Variants in PLGRKT observed in about 807,000 individuals in gnomAD.
PLGRKT encodes plasminogen receptor (KT).
Under a neutral mutation model 18.5 loss-of-function variants are expected in PLGRKT, and 22 were observed. The observed-to-expected ratio is 1.19, with a 90% confidence interval of 0.85 to 1.70. The LOEUF is 1.70. Ranked by LOEUF, PLGRKT falls within the 40% of genes most tolerant of loss-of-function variation. The pLI, the probability that PLGRKT is intolerant of heterozygous loss-of-function variation, is 0.00. For synonymous variants in PLGRKT, 72 were observed against 52.8 expected (o/e 1.36, Z -1.58); for missense variants, 235 against 174.4 (o/e 1.35, Z -1.96).
intron 3 of PLGRKT, among the ~76,000 whole-genome samples, chr9:5,377,846 G>A (rs10815199): frequency 0.19 from 28,227 of 152,056 alleles, 2,738 homozygotes; most frequent in South Asian, 0.26. Context: ...TAGGGGATGG[G>A]GTCTGAAAGA....
At chr9:5,412,539 T>C (rs1268130599) in intron 3 of PLGRKT, among the ~76,000 whole-genome samples, 2 of 152,200 alleles carry the variant, frequency 1.3e-5, no homozygotes, top group Non-Finnish European at 2.9e-5. Context: ...TATCATATGA[T>C]GCTTCCCGCC....
In PLGRKT at chr9:5,394,858, A is replaced by G. The variant is rs543473693; in HGVS notation, c.82-32970T>C. Among the ~76,000 whole-genome samples, 8 of 152,026 alleles carry G rather than the reference A, an allele frequency of 5.3e-5. No individual in the cohort carries two copies. The South Asian group carries it at 1.5e-3, about 28-fold the overall frequency. ...CTCTTCTTGCTGCTGGAGATAGACT[A>G]CAGTGAACTATTTCCAAACAGCCAG... On this transcript the variant is annotated intron_variant, in intron 3 of 5. Coordinates refer to ENST00000223864, the MANE Select transcript of PLGRKT (RefSeq NM_018465.4).
chr9:5,417,930 G>C (rs749062908), intron 3 of PLGRKT, among the ~76,000 whole-genome samples: 1 of 152,202 alleles, frequency 6.6e-6, no homozygotes, highest in Non-Finnish European at 1.5e-5. Context: ...AGCACTGCAT[G>C]TCTTAACTGA....
intron 3 of PLGRKT, among the ~76,000 whole-genome samples, chr9:5,408,402 G>A (rs775735674): frequency 2.6e-5 from 4 of 152,196 alleles, no homozygotes; most frequent in Non-Finnish European, 5.9e-5. Flanking sequence ...CCCCTGCCAA[G>A]GGATATGCGC....
rs527929199 is a variant in PLGRKT, at chr9:5,397,191, G to C, written c.81+34706C>G. ...GATTGTAGGCTACTCGTGCCTACTA[G>C]TGGCAACCCATTAGGAAATGAGCTC... On this transcript the variant is annotated intron_variant, in intron 3 of 5. Transcript: ENST00000223864. Among the ~76,000 whole-genome samples the C allele has an allele frequency of 3.9e-4, 59 of 152,022 alleles. 2 individuals carry two copies. The highest frequency in any genetic ancestry group is 1.4e-3 in the African/African-American group (56 of 41,296).
intron 3 of PLGRKT, among the ~76,000 whole-genome samples, chr9:5,405,504 T>A (rs1329205905): frequency 6.6e-6 from 1 of 152,186 alleles, no homozygotes; most frequent in African/African-American, 2.4e-5. Context: ...AAACAAGCAA[T>A]GGGGAAAGGA....
intron 3 of PLGRKT, among the ~76,000 whole-genome samples, chr9:5,402,622 C>T (rs1054628691): frequency 2.0e-5 from 3 of 151,792 alleles, no homozygotes; most frequent in East Asian, 3.9e-4. Flanking sequence ...AGGGCAGTGA[C>T]GGACGAGGAA....
At chr9:5,395,659 G>C (rs1818030466) in intron 3 of PLGRKT, among the ~76,000 whole-genome samples, 2 of 151,780 alleles carry the variant, frequency 1.3e-5, no homozygotes, top group African/African-American at 2.4e-5. Flanking sequence ...ACTTGATCTG[G>C]CATTTTCTTT....
chr9:5,405,092 A>T (rs1818230251), intron 3 of PLGRKT, among the ~76,000 whole-genome samples: 1 of 152,200 alleles, frequency 6.6e-6, no homozygotes, highest in South Asian at 2.1e-4. Context: ...GACCTCTTCA[A>T]TGAGAACTAC....
chr9:5,431,921 G>A lies in PLGRKT; in HGVS notation c.57C>T (p.Phe19=). Reference sequence around the variant, plus strand: ...CCTGAAGTCGAGCATTCATAAGCATGAACTCCTTTTGATTTTTCATGCTTT... The same window carrying A: ...CCTGAAGTCGAGCATTCATAAGCATAAACTCCTTTTGATTTTTCATGCTTT... The part of the protein sequence containing the change: ...MNESMKNQKE[F]MLMNARLQLE... Residue 19 remains phenylalanine, a synonymous_variant, in exon 3 of 6, where the codon TTC becomes TTT. Coordinates refer to ENST00000223864, the MANE Select transcript of PLGRKT (RefSeq NM_018465.4). The A allele has an allele frequency of 6.5e-7, 1 of 1,535,982 alleles. No homozygotes were observed. The highest frequency in any genetic ancestry group is 1.1e-5 in the South Asian group (1 of 89,112).
chr9:5,427,961 G>C (rs1453551480), intron 3 of PLGRKT, among the ~76,000 whole-genome samples: 1 of 152,140 alleles, frequency 6.6e-6, no homozygotes. Context: ...AAAAGGTAGG[G>C]TTGAAACAAG....
chr9:5,397,199 C>T (rs1384008083), intron 3 of PLGRKT, among the ~76,000 whole-genome samples: 1 of 151,848 alleles, frequency 6.6e-6, no homozygotes, highest in Non-Finnish European at 1.5e-5. Flanking sequence ...TAGTGGCAAC[C>T]CATTAGGAAA....
intron 3 of PLGRKT, among the ~76,000 whole-genome samples, chr9:5,425,106 C>A (rs1382876231): frequency 6.6e-6 from 1 of 152,150 alleles, no homozygotes; most frequent in African/African-American, 2.4e-5. Context: ...TTTACATTGA[C>A]CAAAAGTGCT....
chr9:5,376,323 C>T (rs1196432208), intron 3 of PLGRKT, among the ~76,000 whole-genome samples: 3 of 152,276 alleles, frequency 2.0e-5, no homozygotes, highest in Non-Finnish European at 4.4e-5. Flanking sequence ...GAAGGGGCCA[C>T]GTCTGGGCCT....
At chr9:5,419,450 G>A (rs897099220) in intron 3 of PLGRKT, among the ~76,000 whole-genome samples, 5 of 152,224 alleles carry the variant, frequency 3.3e-5, no homozygotes, top group African/African-American at 1.2e-4. Flanking sequence ...CAGAGGCCAC[G>A]GACGCTACAG....
chr9:5,425,353 T>C (rs182491181), intron 3 of PLGRKT, among the ~76,000 whole-genome samples: 3 of 152,322 alleles, frequency 2.0e-5, no homozygotes, highest in Non-Finnish European at 4.4e-5. Context: ...AATATCATTA[T>C]AACTAGTAGC....
At chr9:5,381,826 T>TA (rs1402928953) in intron 3 of PLGRKT, 1 of 954,818 alleles carries the variant, frequency 1.0e-6, no homozygotes, top group Non-Finnish European at 1.2e-6. Flanking sequence ...AAAAAATACA[T>TA]AAAGCAAAAA....
intron 3 of PLGRKT, among the ~76,000 whole-genome samples, chr9:5,373,059 T>C (rs1817553065): frequency 6.6e-6 from 1 of 152,200 alleles, no homozygotes; most frequent in Non-Finnish European, 1.5e-5. Flanking sequence ...GGACAGTGTA[T>C]CTGATTGCCA....
intron 3 of PLGRKT, among the ~76,000 whole-genome samples, chr9:5,379,828 T>G (rs1470268516): frequency 6.6e-6 from 1 of 152,144 alleles, no homozygotes; most frequent in Non-Finnish European, 1.5e-5. Context: ...GTACAGTAGT[T>G]TTAAGGACAA....
Sources: allele counts gnomAD v4.1 joint callset (sites outside exome capture counted in the v4.1 genomes callset), GRCh38; gene constraint gnomAD v4.1.1; transcripts MANE v1.5; gene names NCBI Gene and HGNC (gene_info 2026-07-23, HGNC 2026-07-21).